KCNT2: variants seen among roughly 807,000 people sequenced by gnomAD.
KCNT2 encodes the protein potassium channel subfamily T member 2.
A neutral mutation model predicts 153.8 loss-of-function variants in KCNT2; 67 were observed. That is an observed-to-expected ratio of 0.44 (90% CI 0.36 to 0.53). The LOEUF is 0.53. Among genes scored for constraint, KCNT2 ranks in the 20% least tolerant of loss-of-function variants. The probability of loss-of-function intolerance (pLI) is 0.00; values close to 1 mark genes in which losing one functional copy is unlikely to be tolerated. For missense variants in KCNT2, 975 were observed against 1,354.8 expected, an observed-to-expected ratio of 0.72 and a Z score of 4.40; for synonymous variants, 500 against 458.8, an observed-to-expected ratio of 1.09 and a Z score of -1.15.
At chr1:196,388,961 G>A (rs993459817) in intron 13 of KCNT2, among the ~76,000 whole-genome samples, 6 of 151,680 alleles carry the variant, frequency 4.0e-5, no homozygotes, top group African/African-American at 1.5e-4. Context: ...CAATATTAGA[G>A]TTTAGTACTC....
At chr1:196,505,972 G>A (rs551050132) in intron 1 of KCNT2, among the ~76,000 whole-genome samples, 481 of 152,222 alleles carry the variant, frequency 3.2e-3, no homozygotes, top group African/African-American at 0.011. Flanking sequence ...ATCAGCTTAA[G>A]GAGATTTTGG....
chr1:196,257,414 T>G, intron 26 of KCNT2: 1 of 971,374 alleles, frequency 1.0e-6, no homozygotes. Flanking sequence ...TATTTGATTC[T>G]TAACTTGCAT....
At chr1:196,322,647 G>T (rs1663441274) in intron 19 of KCNT2, among the ~76,000 whole-genome samples, 1 of 151,758 alleles carries the variant, frequency 6.6e-6, no homozygotes, top group Non-Finnish European at 1.5e-5. Context: ...AGTAAAAAAG[G>T]TTTGCAAATT....
At chr1:196,494,516 A>C (rs1421168480) in intron 1 of KCNT2, among the ~76,000 whole-genome samples, 3 of 151,948 alleles carry the variant, frequency 2.0e-5, no homozygotes, top group Non-Finnish European at 4.4e-5. Flanking sequence ...TCTTCTCCTC[A>C]GCCTCTCCAG....
intron 1 of KCNT2, among the ~76,000 whole-genome samples, chr1:196,540,180 C>CT (rs1347793559): frequency 3.3e-5 from 5 of 152,078 alleles, no homozygotes; most frequent in Non-Finnish European, 7.4e-5. Context: ...AGAATATGCA[C>CT]TTTTACATGT....
At chr1:196,396,734 ATGGT>A (rs753512429) in intron 13 of KCNT2, among the ~76,000 whole-genome samples, 24 of 151,726 alleles carry the variant, frequency 1.6e-4, no homozygotes, top group Middle Eastern at 6.8e-3. Context: ...ATTGAGATAA[ATGGT>A]TGGGATAGAA....
chr1:196,378,415 G>C (rs1267114738), intron 13 of KCNT2, among the ~76,000 whole-genome samples: 1 of 152,080 alleles, frequency 6.6e-6, no homozygotes, highest in Non-Finnish European at 1.5e-5. Context: ...TGAACTTTGA[G>C]CTGGATGTGT....
At chr1:196,558,024 T>A (rs569049074) in intron 1 of KCNT2, among the ~76,000 whole-genome samples, 2 of 151,534 alleles carry the variant, frequency 1.3e-5, no homozygotes, top group South Asian at 4.1e-4. Flanking sequence ...TTTATCTCAC[T>A]GTTGTCATCA....
At chr1:196,476,289 T>C (rs1678522553) in intron 5 of KCNT2, among the ~76,000 whole-genome samples, 1 of 152,164 alleles carries the variant, frequency 6.6e-6, no homozygotes, top group South Asian at 2.1e-4. Context: ...ATACCATTAT[T>C]TATATATTAC....
chr1:196,297,773 A>C (rs1216871963), intron 22 of KCNT2, among the ~76,000 whole-genome samples: 2 of 152,184 alleles, frequency 1.3e-5, no homozygotes, highest in Non-Finnish European at 2.9e-5. Flanking sequence ...CTGTTCCAGA[A>C]CCTAGATTAT....
chr1:196,237,767 T>A (rs1654574310), intron 26 of KCNT2, among the ~76,000 whole-genome samples: 1 of 151,848 alleles, frequency 6.6e-6, no homozygotes, highest in Non-Finnish European at 1.5e-5. Context: ...AACCTGGTGG[T>A]CATATCTAGT....
chr1:196,364,150 AC>A (rs1667851565), intron 14 of KCNT2, among the ~76,000 whole-genome samples: 1 of 152,108 alleles, frequency 6.6e-6, no homozygotes, highest in African/African-American at 2.4e-5. Flanking sequence ...ATCAGTGTTA[AC>A]CCCTTCTTTT....
At chr1:196,294,316 G>C (rs771044516) in intron 22 of KCNT2, among the ~76,000 whole-genome samples, 3 of 151,966 alleles carry the variant, frequency 2.0e-5, no homozygotes, top group Non-Finnish European at 4.4e-5. Flanking sequence ...TCGCTCTGTC[G>C]CCAGGCTAGA....
chr1:196,430,292 A>G (rs78738553), intron 8 of KCNT2, among the ~76,000 whole-genome samples: 3,023 of 152,102 alleles, frequency 0.02, 91 homozygotes, highest in African/African-American at 0.068. Context: ...AGGTGAGACC[A>G]TTAAGAGGTG....
intron 1 of KCNT2, among the ~76,000 whole-genome samples, chr1:196,521,455 C>G (rs1464867130): frequency 2.0e-5 from 3 of 152,010 alleles, no homozygotes; most frequent in Non-Finnish European, 2.9e-5. Context: ...GGGTGTATAC[C>G]CTAAAAGAAT....
At chr1:196,233,138 T>G (rs1243117411) in intron 27 of KCNT2, among the ~76,000 whole-genome samples, 1 of 151,354 alleles carries the variant, frequency 6.6e-6, no homozygotes, top group Non-Finnish European at 1.5e-5. Flanking sequence ...AAAATCCAAG[T>G]GCATCATAAA....
intron 1 of KCNT2, among the ~76,000 whole-genome samples, chr1:196,560,444 A>C (rs964835170): frequency 1.3e-5 from 2 of 151,956 alleles, no homozygotes; most frequent in African/African-American, 4.8e-5. Flanking sequence ...TTTAAAAATT[A>C]GAATTGTGAA....
chr1:196,453,935 A>C (rs1676435149), intron 8 of KCNT2, among the ~76,000 whole-genome samples: 1 of 151,960 alleles, frequency 6.6e-6, no homozygotes, highest in Admixed American at 6.6e-5. Flanking sequence ...TTCTCAATAA[A>C]TATTGATTAA....
At chr1:196,382,477 G>A (rs1013052639) in intron 13 of KCNT2, among the ~76,000 whole-genome samples, 15 of 151,920 alleles carry the variant, frequency 9.9e-5, no homozygotes, top group African/African-American at 1.7e-4. Flanking sequence ...GCAGAATTTC[G>A]TAAAAATAAA....
Sources: allele counts gnomAD v4.1 joint callset (sites outside exome capture counted in the v4.1 genomes callset), GRCh38; gene constraint gnomAD v4.1.1; transcripts MANE v1.5; gene names NCBI Gene and HGNC (gene_info 2026-07-23, HGNC 2026-07-21).